RALY: variants seen among roughly 807,000 people sequenced by gnomAD.
RALY encodes RNA-binding protein Raly.
Under a neutral mutation model 30.7 loss-of-function variants are expected in RALY, and 15 were observed. The ratio of observed to expected loss-of-function variants is 0.49; its 90% confidence interval spans 0.33 to 0.75. The LOEUF (loss-of-function observed/expected upper bound fraction) is 0.75. Among genes scored for constraint, RALY ranks in the 30% least tolerant of loss-of-function variants. The pLI, the probability that RALY is intolerant of heterozygous loss-of-function variation, is 0.02. For synonymous variants in RALY, 177 were observed against 170.8 expected (o/e 1.04, Z -0.28); for missense variants, 339 against 414.3 (o/e 0.82, Z 1.58).
chr20:34,008,001 T>C (rs2031239196), intron 1 of RALY, among the ~76,000 whole-genome samples: 1 of 152,102 alleles, frequency 6.6e-6, no homozygotes, highest in Non-Finnish European at 1.5e-5. Flanking sequence ...GACAAGGTCA[T>C]TGTGGGACTA....
chr20:34,074,533 T>G (rs2033819291), intron 5 of RALY, among the ~76,000 whole-genome samples: 1 of 152,182 alleles, frequency 6.6e-6, no homozygotes, highest in South Asian at 2.1e-4. Flanking sequence ...TCTCTGAGCA[T>G]GAGTCGTCCG....
chr20:34,073,247 A>G (rs545503691), intron 3 of RALY, among the ~76,000 whole-genome samples: 1 of 151,044 alleles, frequency 6.6e-6, no homozygotes, highest in African/African-American at 2.4e-5. Flanking sequence ...ACGCATTTAC[A>G]TGAGTGTATT....
intron 1 of RALY, among the ~76,000 whole-genome samples, chr20:34,030,423 C>T (rs1419229133): frequency 6.6e-6 from 1 of 152,222 alleles, no homozygotes; most frequent in African/African-American, 2.4e-5. Context: ...TGCTCTATTC[C>T]ATTCCACATT....
chr20:34,044,190 C>T (rs1185826912), intron 2 of RALY, among the ~76,000 whole-genome samples: 2 of 152,116 alleles, frequency 1.3e-5, no homozygotes, highest in East Asian at 1.9e-4. Flanking sequence ...TAGGGTCAAA[C>T]TCTGAAGGAC....
chr20:34,043,732 G>C (rs1305538629), intron 2 of RALY, among the ~76,000 whole-genome samples: 3 of 152,162 alleles, frequency 2.0e-5, no homozygotes, highest in African/African-American at 7.2e-5. Flanking sequence ...AGGATTCTTT[G>C]TTGTGGGGCC....
chr20:34,036,368 A>G (rs1220510012), intron 2 of RALY, among the ~76,000 whole-genome samples: 1 of 152,220 alleles, frequency 6.6e-6, no homozygotes, highest in Non-Finnish European at 1.5e-5. Context: ...TCTTTATTCT[A>G]CATTGACATT....
chr20:34,057,666 CAAAAAA>C (rs548450019), intron 2 of RALY, among the ~76,000 whole-genome samples: 3 of 67,368 alleles, frequency 4.5e-5, no homozygotes, highest in African/African-American at 2.0e-4. Context: ...GACTCCGTCT[CAAAAAA>C]AAAAAAAAAA....
chr20:34,053,599 A>G (rs6120504), intron 2 of RALY, among the ~76,000 whole-genome samples: 1,625 of 151,240 alleles, frequency 0.011, 34 homozygotes, highest in African/African-American at 0.038. Context: ...CTCCCACTAT[A>G]TTGCCCAGAC....
intron 1 of RALY, among the ~76,000 whole-genome samples, chr20:34,026,513 C>T (rs2032044647): frequency 6.6e-6 from 1 of 151,928 alleles, no homozygotes; most frequent in Non-Finnish European, 1.5e-5. Context: ...CGCCATTCTC[C>T]TGCCTCAGCC....
At chr20:34,020,989 TCTCA>T (rs1397250109) in intron 1 of RALY, among the ~76,000 whole-genome samples, 3 of 151,774 alleles carry the variant, frequency 2.0e-5, no homozygotes, top group Non-Finnish European at 2.9e-5. Context: ...TGAGACAGAG[TCTCA>T]CTCAGTCACC....
chr20:34,054,079 A>ACATCT (rs1218214386), intron 2 of RALY, among the ~76,000 whole-genome samples: 2 of 152,110 alleles, frequency 1.3e-5, no homozygotes, highest in African/African-American at 4.8e-5. Flanking sequence ...TCAGTGTCTT[A>ACATCT]CATCTCCTTC....
At chr20:34,070,968 A>C (rs2033709282) in intron 2 of RALY, among the ~76,000 whole-genome samples, 1 of 152,188 alleles carries the variant, frequency 6.6e-6, no homozygotes, top group Non-Finnish European at 1.5e-5. Context: ...GCGACGGGGA[A>C]GTAGACACGT....
At chr20:34,044,242 T>C (rs550279642) in intron 2 of RALY, among the ~76,000 whole-genome samples, 1 of 152,178 alleles carries the variant, frequency 6.6e-6, no homozygotes, top group East Asian at 1.9e-4. Context: ...GTTTTACACA[T>C]AGCATGCAAC....
At position 34,084,543 on chromosome 20, in the gene RALY, G is replaced by A. The variant is rs375536470; in HGVS notation, c.*4638G>A. 1.9e-4 allele frequency: 29 copies of A among 152,346 alleles called. No homozygotes were observed. Among genetic ancestry groups the A allele is most frequent in the African/African-American group, 6.0e-4 (25 of 41,576 alleles). The allele number at this position is 152,346 out of a possible 1,614,324, so 9.4% of individuals were successfully genotyped here. A position where few individuals can be genotyped will look rare whatever the true frequency, so the allele number is the denominator to read the frequency against. ...AAGGTGGCATCTCTATCCTATCCTC[G>A]CCTTTATCTAAACTCTGTGACCGAT... On this transcript the variant is annotated 3_prime_UTR_variant, in exon 10 of 10. Transcript: ENST00000246194.
At chr20:34,040,090 G>T (rs886675230) in intron 2 of RALY, among the ~76,000 whole-genome samples, 1 of 151,378 alleles carries the variant, frequency 6.6e-6, no homozygotes, top group African/African-American at 2.4e-5. Flanking sequence ...CAGCCTGGGC[G>T]ACAGAGTGAG....
chr20:34,047,950 G>A (rs2032941535), intron 2 of RALY, among the ~76,000 whole-genome samples: 1 of 152,144 alleles, frequency 6.6e-6, no homozygotes, highest in South Asian at 2.1e-4. Context: ...CCTTCCTCAA[G>A]TTCAGACCCC....
rs182923244 is a variant in RALY at position 34,023,817 on chromosome 20, C to G, written c.-92-7705C>G. ...CCTCTCACCTCACTCAGACTTAATA[C>G]AGTATAGAATAACTTTGGAGGGGAC... On this transcript the variant is annotated intron_variant, in intron 1 of 9. Transcript: ENST00000246194. Among the ~76,000 whole-genome samples, 12 of 151,608 alleles carry G rather than the reference C, an allele frequency of 7.9e-5. No homozygotes were observed. In the East Asian group the frequency reaches 2.4e-3, roughly 30 times the overall value.
chr20:34,002,598 A>C (rs576695877), intron 1 of RALY, among the ~76,000 whole-genome samples: 19 of 152,310 alleles, frequency 1.2e-4, no homozygotes, highest in African/African-American at 4.3e-4. Flanking sequence ...TGATAATCTG[A>C]CTTCCAGTGT....
intron 1 of RALY, among the ~76,000 whole-genome samples, chr20:34,028,966 T>C (rs2032158455): frequency 6.6e-6 from 1 of 152,222 alleles, no homozygotes; most frequent in East Asian, 1.9e-4. Flanking sequence ...GCCATGACTT[T>C]TTTTGAGCAG....
Sources: allele counts gnomAD v4.1 joint callset (sites outside exome capture counted in the v4.1 genomes callset), GRCh38; gene constraint gnomAD v4.1.1; transcripts MANE v1.5; gene names NCBI Gene and HGNC (gene_info 2026-07-23, HGNC 2026-07-21).